DNAJC24: variants seen among roughly 807,000 people sequenced by gnomAD.
The protein encoded by DNAJC24 is DnaJ heat shock protein family (Hsp40) member C24.
A neutral mutation model predicts 18.0 loss-of-function variants in DNAJC24; 17 were observed. That is an observed-to-expected ratio of 0.94 (90% CI 0.65 to 1.42). The LOEUF is 1.42. Ranked by LOEUF, DNAJC24 falls within the 40% of genes most tolerant of loss-of-function variation. DNAJC24 has a pLI of 0.00. For synonymous variants in DNAJC24, 55 were observed against 57.7 expected (o/e 0.95, Z 0.21); for missense variants, 158 against 175.6 (o/e 0.90, Z 0.57).
intron 2 of DNAJC24, among the ~76,000 whole-genome samples, chr11:31,381,375 C>T (rs563230586): frequency 1.3e-5 from 2 of 152,040 alleles, no homozygotes; most frequent in African/African-American, 2.4e-5. Context: ...ATGTTATCTA[C>T]AATTAAAGAT....
rs1300951735 is a variant in DNAJC24 at position 31,374,914 on chromosome 11, C to G, written c.111+4055C>G. Reference sequence around the variant, plus strand: ...TTTTGCCTGTCTTTTCTCTCCTGTTCTTTTGCCTGTTTTTTTCTCTTCTCT... The same window carrying G: ...TTTTGCCTGTCTTTTCTCTCCTGTTGTTTTGCCTGTTTTTTTCTCTTCTCT... On this transcript the variant is annotated intron_variant, in intron 2 of 4. Transcript: ENST00000465995. 1.5e-5 allele frequency among the ~76,000 whole-genome samples: 2 copies of G among 135,012 alleles called. 1 individual carries two copies. Among genetic ancestry groups the G allele is most frequent in the Non-Finnish European group, 3.4e-5 (2 of 58,374 alleles). The allele number at this position is 135,012 out of a possible 152,430, so 88.6% of individuals were successfully genotyped here.
rs1202117341 is a variant in DNAJC24 at position 31,384,510 on chromosome 11, G to C, written c.111+13651G>C. 2.0e-5 allele frequency: 3 copies of C among 152,330 alleles called. No homozygotes were observed. In the East Asian group the frequency reaches 5.8e-4, roughly 29 times the overall value. The allele number at this position is 152,330 out of a possible 1,614,324, so 9.4% of individuals were successfully genotyped here. A position where few individuals can be genotyped will look rare whatever the true frequency, so the allele number is the denominator to read the frequency against. ...GGATTTTGCTGAAGGAGAATAAAAA[G>C]GTTAAGAAGGAAGTTGGCTCTGTTC... On this transcript the variant is annotated intron_variant, in intron 2 of 4. Transcript: ENST00000465995.
intron 2 of DNAJC24, chr11:31,374,006 A>G: frequency 3.6e-6 from 1 of 277,080 alleles, no homozygotes; most frequent in South Asian, 3.1e-5. Context: ...ATTTCTTAGA[A>G]TTTTCTGCCA....
chr11:31,373,476 A>G lies in DNAJC24; in HGVS notation c.111+2617A>G, dbSNP rs544929314. ...TTTATATGTTGTTTATCCTTTTACT[A>G]ATACCTCCATCTTGATTACTGTAGA... is the stretch of plus-strand genomic sequence containing the variant. On this transcript the variant is annotated intron_variant, in intron 2 of 4. Transcript: ENST00000465995. 5.2e-5 allele frequency among the ~76,000 whole-genome samples: 7 copies of G among 135,478 alleles called. 1 individual carries two copies. The South Asian group carries it at 9.7e-4, about 19-fold the overall frequency. 88.9% of individuals were successfully genotyped at this position (135,478 alleles called of 152,430 possible).
intron 4 of DNAJC24, chr11:31,426,697 GT>G (rs933698271): frequency 1.4e-4 from 22 of 159,798 alleles, no homozygotes; most frequent in Non-Finnish European, 2.1e-4. Flanking sequence ...AAACAAGATA[GT>G]TTTTTTTTTC....
intron 2 of DNAJC24, among the ~76,000 whole-genome samples, chr11:31,398,448 T>C (rs950811263): frequency 1.3e-5 from 2 of 152,242 alleles, no homozygotes; most frequent in Admixed American, 6.5e-5. Context: ...CTGTAGCTTA[T>C]AAAGTTAAAT....
chr11:31,390,581 C>T (rs1296252310), intron 2 of DNAJC24, among the ~76,000 whole-genome samples: 1 of 151,292 alleles, frequency 6.6e-6, no homozygotes, highest in East Asian at 2.0e-4. Flanking sequence ...TGGCGCATGC[C>T]TGTAGTCCCA....
intron 3 of DNAJC24, among the ~76,000 whole-genome samples, chr11:31,418,603 A>G (rs1191636771): frequency 2.0e-5 from 3 of 152,120 alleles, no homozygotes; most frequent in African/African-American, 7.2e-5. Context: ...TGTGTTTGGA[A>G]TCCTTGCTGA....
At chr11:31,429,146 T>G (rs932277198) in intron 4 of DNAJC24, among the ~76,000 whole-genome samples, 1 of 152,174 alleles carries the variant, frequency 6.6e-6, no homozygotes, top group African/African-American at 2.4e-5. Flanking sequence ...TTAAATTATT[T>G]TTCTGTATGG....
intron 2 of DNAJC24, among the ~76,000 whole-genome samples, chr11:31,371,967 C>G (rs562229646): frequency 1.3e-5 from 2 of 151,494 alleles, no homozygotes; most frequent in Non-Finnish European, 2.9e-5. Context: ...GGGATTAAGG[C>G]GCATGCCACC....
Position 31,432,300 on chromosome 11 carries a change from T to G in DNAJC24, c.*1899T>G, listed in dbSNP as rs1952934762. ...TTTTGTATCATAAAATTTAGATGAC[T>G]TTTTTGGGTTACATTTTTATCCATA... On this transcript the variant is annotated 3_prime_UTR_variant, in exon 5 of 5. Transcript: ENST00000465995. 4.1e-6 allele frequency: 2 copies of G among 483,832 alleles called. No individual in the cohort carries two copies. Among genetic ancestry groups the G allele is most frequent in the Non-Finnish European group, 7.4e-6 (2 of 269,046 alleles). 30.0% of individuals were successfully genotyped at this position (483,832 alleles called of 1,614,324 possible).
intron 2 of DNAJC24, among the ~76,000 whole-genome samples, chr11:31,405,604 A>G (rs1336200209): frequency 6.6e-6 from 1 of 151,862 alleles, no homozygotes; most frequent in Non-Finnish European, 1.5e-5. Context: ...CAGCCTCCAG[A>G]GTAACTGGGA....
intron 2 of DNAJC24, among the ~76,000 whole-genome samples, chr11:31,397,648 A>G (rs753005825): frequency 3.9e-5 from 6 of 152,152 alleles, no homozygotes; most frequent in Non-Finnish European, 7.3e-5. Context: ...AAGTCAGTCA[A>G]TGTGCATCTC....
At chr11:31,397,539 T>C (rs771359529) in intron 2 of DNAJC24, among the ~76,000 whole-genome samples, 11 of 151,740 alleles carry the variant, frequency 7.2e-5, no homozygotes, top group Non-Finnish European at 1.3e-4. Flanking sequence ...AAGGACACAA[T>C]TGCAGTACTC....
intron 2 of DNAJC24, among the ~76,000 whole-genome samples, chr11:31,389,456 A>G (rs1952465945): frequency 6.6e-6 from 1 of 152,236 alleles, no homozygotes; most frequent in Non-Finnish European, 1.5e-5. Context: ...AGATGATATA[A>G]CAATTGTAAA....
chr11:31,374,910 T>C (rs1327808628), intron 2 of DNAJC24, among the ~76,000 whole-genome samples: 1 of 135,574 alleles, frequency 7.4e-6, no homozygotes, highest in Admixed American at 7.5e-5. Flanking sequence ...TTTTCTCTCC[T>C]GTTCTTTTGC....
At chr11:31,378,252 G>T (rs1470531220) in intron 2 of DNAJC24, among the ~76,000 whole-genome samples, 1 of 152,070 alleles carries the variant, frequency 6.6e-6, no homozygotes, top group Non-Finnish European at 1.5e-5. Flanking sequence ...AACTTGTCTT[G>T]TAGTTCACAT....
At position 31,374,034 on chromosome 11, in the gene DNAJC24, G is replaced by T; in HGVS notation, c.111+3175G>T. 6.1e-6 allele frequency: 2 copies of T among 330,496 alleles called. 1 individual carries two copies. Among genetic ancestry groups the T allele is most frequent in the Non-Finnish European group, 1.3e-5 (2 of 157,054 alleles). The allele number at this position is 330,496 out of a possible 1,614,324, so 20.5% of individuals were successfully genotyped here. A position where few individuals can be genotyped will look rare whatever the true frequency, so the allele number is the denominator to read the frequency against. ...TTCTGCCAACACAATTATGTCATTT[G>T]CAGATAACGAGAGTTTTAATTCTGT... is the stretch of plus-strand genomic sequence containing the variant. On this transcript the variant is annotated intron_variant, in intron 2 of 4. Transcript: ENST00000465995.
intron 2 of DNAJC24, among the ~76,000 whole-genome samples, chr11:31,410,059 T>C (rs1300015879): frequency 3.8e-3 from 1 of 262 alleles, no homozygotes; most frequent in East Asian, 0.12. Flanking sequence ...AATTTTTGTA[T>C]TTTTAGTAAA....
Sources: gnomAD v4.1 joint callset for allele counts (sites outside exome capture counted in the v4.1 genomes callset) on GRCh38, gnomAD v4.1.1 for gene constraint, MANE v1.5 for transcripts, NCBI Gene and HGNC (gene_info 2026-07-23, HGNC 2026-07-21) for gene names.